ZRANB1: variants seen among roughly 807,000 people sequenced by gnomAD.
ZRANB1 encodes zinc finger RANBP2-type containing 1.
A neutral mutation model predicts 80.5 loss-of-function variants in ZRANB1; 16 were observed. That is an observed-to-expected ratio of 0.20 (90% CI 0.13 to 0.30). ZRANB1 has a LOEUF of 0.30. Among genes scored for constraint, ZRANB1 ranks in the 10% least tolerant of loss-of-function variants. The pLI is 1.00. For synonymous variants in ZRANB1, 291 were observed against 293.1 expected (o/e 0.99, Z 0.07); for missense variants, 576 against 862.6 (o/e 0.67, Z 4.16).
chr10:124,959,740 G>T (rs988910620), intron 1 of ZRANB1, among the ~76,000 whole-genome samples: 1 of 152,190 alleles, frequency 6.6e-6, no homozygotes, highest in African/African-American at 2.4e-5. Context: ...GATTACAGGT[G>T]TGAGCCACTG....
At chr10:124,927,358 G>A in the ZRANB1 span, among the ~76,000 whole-genome samples, 2 of 152,318 alleles carry the variant, frequency 1.3e-5, no homozygotes, top group East Asian at 1.9e-4. Context: ...CTCTCTTAGT[G>A]TTGCACAGTA....
chr10:124,955,727 G>A (rs1016746697), intron 1 of ZRANB1, among the ~76,000 whole-genome samples: 17 of 152,244 alleles, frequency 1.1e-4, no homozygotes, highest in East Asian at 5.8e-4. Flanking sequence ...TTTTGATCTT[G>A]GAACACTGGA....
Position 124,974,327 on chromosome 10 carries a change from C to G in ZRANB1, c.1356C>G (p.Thr452=). ...DCLLDSVLQA[T]WGIYDKDSVL... ...TACTTGATTCAGTTCTACAAGCTAC[C>G]TGGGGCATCTATGACAAGGACTCAG... The change falls in exon 5 of 9, where the codon ACC becomes ACG. Residue 452 remains threonine, a synonymous_variant. Transcript: ENST00000359653. 1 of 1,614,226 alleles carries G rather than the reference C, an allele frequency of 6.2e-7. No individual in the cohort carries two copies. Among genetic ancestry groups the G allele is most frequent in the East Asian group, 2.2e-5 (1 of 44,884 alleles).
chr10:124,984,760 T>C lies in ZRANB1; in HGVS notation c.1909-14T>C, dbSNP rs745742213. ...TTGTATGATTTTCCCTTTGTCTTCATATTCCTCCAAAAGCTAGGTAATGAG... is the reference window on the plus strand; with the variant it reads ...TTGTATGATTTTCCCTTTGTCTTCACATTCCTCCAAAAGCTAGGTAATGAG... On this transcript the variant is annotated splice_polypyrimidine_tract_variant and intron_variant, in intron 8 of 8. Transcript: ENST00000359653. 1 of 1,611,056 alleles carries C rather than the reference T, an allele frequency of 6.2e-7. No individual in the cohort carries two copies. The highest frequency in any genetic ancestry group is 1.1e-5 in the South Asian group (1 of 90,882).
intron 5 of ZRANB1, among the ~76,000 whole-genome samples, chr10:124,978,747 C>T (rs945737936): frequency 2.6e-5 from 4 of 151,384 alleles, no homozygotes; most frequent in Non-Finnish European, 4.4e-5. Flanking sequence ...CCACCTCAGC[C>T]TCCCAAGTAG....
chr10:124,933,995 G>T, the ZRANB1 span, among the ~76,000 whole-genome samples: 1 of 152,204 alleles, frequency 6.6e-6, no homozygotes, highest in African/African-American at 2.4e-5. Flanking sequence ...ATTCTAGTCA[G>T]TGGATTGCTA....
At chr10:124,984,295 A>G (rs746087188) in intron 8 of ZRANB1, 25 of 155,354 alleles carry the variant, frequency 1.6e-4, no homozygotes, top group Non-Finnish European at 3.6e-4. Flanking sequence ...TACAAAAACA[A>G]CGCTCTTTCA....
intron 1 of ZRANB1, among the ~76,000 whole-genome samples, chr10:124,958,225 A>T (rs1160356235): frequency 6.6e-6 from 1 of 152,208 alleles, no homozygotes; most frequent in Non-Finnish European, 1.5e-5. Context: ...TGCGACTAGC[A>T]TGTGCAACGT....
At chr10:124,916,896 T>A in the ZRANB1 span, among the ~76,000 whole-genome samples, 2 of 151,980 alleles carry the variant, frequency 1.3e-5, no homozygotes. Context: ...CGGGGTTTAT[T>A]TGGCTCCGGG....
In ZRANB1 at chr10:124,983,295, C is replaced by T. The variant is rs775498054; in HGVS notation, c.1669C>T (p.Arg557Trp). The T allele has an allele frequency of 1.2e-6, 2 of 1,613,606 alleles. No individual in the cohort carries two copies. Among genetic ancestry groups the T allele is most frequent in the African/African-American group, 1.3e-5 (1 of 74,862 alleles). The change falls in exon 7 of 9, where the codon CGG becomes TGG. Residue 557 changes from arginine to tryptophan, a missense_variant. Physicochemically the swap from Arg to Trp is moderately radical, Grantham distance 101. This residue lies in a region of ZRANB1 where 152 missense variants were observed against 221.9 expected (regional missense o/e 0.69). Coordinates refer to ENST00000359653, the MANE Select transcript of ZRANB1 (RefSeq NM_017580.3). The surrounding 1 kb of genome is among the most constrained non-coding windows in gnomAD (Gnocchi z 6.2). ...SFRGETLGYT[R>W]FQGVYLPLLW... The stretch of plus-strand genomic sequence containing the variant: ...CCGGGGAGAAACTTTAGGATATACT[C>T]GGTTTCAAGGTAAGCCATTATTCAG...
At chr10:124,921,431 A>G in the ZRANB1 span, among the ~76,000 whole-genome samples, 1 of 152,242 alleles carries the variant, frequency 6.6e-6, no homozygotes, top group African/African-American at 2.4e-5. Flanking sequence ...AGGATAACAC[A>G]TGTAATTATG....
intron 3 of ZRANB1, among the ~76,000 whole-genome samples, chr10:124,973,274 C>T (rs1470776826): frequency 6.6e-6 from 1 of 152,148 alleles, no homozygotes; most frequent in African/African-American, 2.4e-5. Context: ...TCACCGTAGC[C>T]TCCTGAGTAG....
chr10:124,945,409 A>ATTTTTTTTTTTTTTTTTTTTTT (rs57697692), intron 1 of ZRANB1: 2 of 123,548 alleles, frequency 1.6e-5, no homozygotes, highest in South Asian at 2.4e-4. Context: ...TCTTAAAATC[A>ATTTTTTTTTTTTTTTTTTTTTT]TTTTTTTTTT....
chr10:124,985,114 G>C lies in ZRANB1; in HGVS notation c.*122G>C, dbSNP rs1952004084. The C allele has an allele frequency of 6.6e-6, 5 of 761,494 alleles. No individual in the cohort carries two copies. The Admixed American group carries it at 7.5e-5, about 11-fold the overall frequency. The allele number at this position is 761,494 out of a possible 1,614,324, so 47.2% of individuals were successfully genotyped here. ...CCAAATCTGGCAGGATCTGCTCGGG[G>C]AAGTGTTTTCCTGGACCACACACAC... On this transcript the variant is annotated 3_prime_UTR_variant, in exon 9 of 9. Coordinates refer to ENST00000359653, the MANE Select transcript of ZRANB1 (RefSeq NM_017580.3).
intron 1 of ZRANB1, among the ~76,000 whole-genome samples, chr10:124,956,177 C>T (rs1333832253): frequency 1.3e-5 from 2 of 152,100 alleles, no homozygotes; most frequent in East Asian, 1.9e-4. Flanking sequence ...GATTCAGTAA[C>T]GGCTTTCATT....
chr10:124,932,687 T>TC, the ZRANB1 span, among the ~76,000 whole-genome samples: 3 of 152,068 alleles, frequency 2.0e-5, no homozygotes, highest in African/African-American at 7.2e-5. Flanking sequence ...TGTGGTGGTA[T>TC]CTAATTGTTT....
At chr10:124,941,988 C>T (rs2114835), upstream of ZRANB1, 223,443 of 261,688 alleles carry the variant, frequency 0.85, 96,140 homozygotes, top group East Asian at 0.95. Context: ...ATAGACGTTG[C>T]TTGATCTTCT....
intron 1 of ZRANB1, among the ~76,000 whole-genome samples, chr10:124,962,114 C>A (rs1024469498): frequency 1.3e-5 from 2 of 152,130 alleles, no homozygotes; most frequent in African/African-American, 2.4e-5. Flanking sequence ...TAAACTATAG[C>A]CAAATGCTTA....
chr10:124,918,526 G>A, the ZRANB1 span, among the ~76,000 whole-genome samples: 1 of 152,206 alleles, frequency 6.6e-6, no homozygotes, highest in Non-Finnish European at 1.5e-5. Flanking sequence ...ATTATATAAT[G>A]AGTTATTTCT....
Sources: allele counts gnomAD v4.1 joint callset (sites outside exome capture counted in the v4.1 genomes callset), GRCh38; gene constraint gnomAD v4.1.1; regional missense constraint gnomAD v4.1.1; non-coding constraint Gnocchi (gnomAD v3.1); transcripts MANE v1.5; gene names NCBI Gene and HGNC (gene_info 2026-07-23, HGNC 2026-07-21).